RORA: variants seen among roughly 807,000 people sequenced by gnomAD.
RORA encodes nuclear receptor ROR-alpha.
RORA carries 7 observed loss-of-function variants against 69.5 expected under a neutral mutation model. That is an observed-to-expected ratio of 0.10 (90% CI 0.06 to 0.19). The LOEUF is 0.19. Ranked by LOEUF, RORA falls within the 10% of genes least tolerant of loss-of-function variation. The pLI, the probability that RORA is intolerant of heterozygous loss-of-function variation, is 1.00. For missense variants in RORA, 457 were observed against 663.0 expected (o/e 0.69, Z 3.41); for synonymous variants, 261 against 240.8 (o/e 1.08, Z -0.78).
chr15:61,022,800 G>A (rs1895601618), intron 1 of RORA, among the ~76,000 whole-genome samples: 1 of 152,116 alleles, frequency 6.6e-6, no homozygotes, highest in African/African-American at 2.4e-5. Context: ...AAAATGGTAG[G>A]TTGAACATAA....
chr15:61,051,437 T>C (rs775734438), intron 1 of RORA, among the ~76,000 whole-genome samples: 7 of 152,096 alleles, frequency 4.6e-5, no homozygotes, highest in Non-Finnish European at 8.8e-5. Flanking sequence ...GCAGGATGAA[T>C]GGTGGTGTGC....
Position 61,213,098 on chromosome 15 carries a change from T to C in RORA, c.166+15955A>G, listed in dbSNP as rs368826076. On this transcript the variant is annotated intron_variant, in intron 1 of 10. Coordinates refer to ENST00000335670, the MANE Select transcript of RORA (RefSeq NM_134261.3). This position sits in a 1 kb window ranked among gnomAD's most constrained non-coding sequence, Gnocchi z 4.1. Reference sequence around the variant, plus strand: ...AACTTCCAACTCAGCCCATCCCAAATTGAACCCATGCCTTCTCTCCTCTTC... The same window carrying C: ...AACTTCCAACTCAGCCCATCCCAAACTGAACCCATGCCTTCTCTCCTCTTC... Among the ~76,000 whole-genome samples, 13 of 152,100 alleles carry C rather than the reference T, an allele frequency of 8.5e-5. No individual in the cohort carries two copies. Among genetic ancestry groups the C allele is most frequent in the African/African-American group, 2.2e-4 (9 of 41,422 alleles).
chr15:60,505,557 A>T lies in RORA; in HGVS notation c.893T>A (p.Ile298Lys). Reference protein sequence around the residue: ...CQYLREELQQITWQTFLQEEI... With the variant: ...CQYLREELQQKTWQTFLQEEI... ...TTCCTGTAAAAAGGTCTGCCACGTT[A>T]TCTGCTGGAGCTCTTCTCTCAAGTA... Residue 298 changes from isoleucine to lysine, a missense_variant, in exon 6 of 11, where the codon ATA (isoleucine) becomes AAA (lysine). Around this residue, in one of 3 missense-constraint regions of RORA, gnomAD observed 304 missense variants for 447.4 expected, o/e 0.68. Transcript: ENST00000335670. 1 of 1,613,932 alleles carries T rather than the reference A, an allele frequency of 6.2e-7. No individual in the cohort carries two copies. The highest frequency in any genetic ancestry group is 8.5e-7 in the Non-Finnish European group (1 of 1,179,854).
chr15:60,593,705 T>A (rs946577571), intron 2 of RORA, among the ~76,000 whole-genome samples: 3 of 152,180 alleles, frequency 2.0e-5, no homozygotes, highest in African/African-American at 7.2e-5. Flanking sequence ...CCTATTGCGG[T>A]TCCTTCACGA....
chr15:60,657,964 T>G (rs1053053493), intron 2 of RORA, among the ~76,000 whole-genome samples: 1 of 152,334 alleles, frequency 6.6e-6, no homozygotes, highest in African/African-American at 2.4e-5. Flanking sequence ...TCTTGGCCTC[T>G]CCATCCAAAA....
chr15:60,890,936 A>C (rs1206701391), intron 1 of RORA, among the ~76,000 whole-genome samples: 1 of 152,230 alleles, frequency 6.6e-6, no homozygotes, highest in South Asian at 2.1e-4. Flanking sequence ...AAGCTTTCAA[A>C]GGGAATTAAG....
At chr15:60,680,603 C>A (rs1344892700) in intron 1 of RORA, among the ~76,000 whole-genome samples, 1 of 151,714 alleles carries the variant, frequency 6.6e-6, no homozygotes, top group Non-Finnish European at 1.5e-5. Context: ...TCTCTCGGTC[C>A]CTCAGTTTTG....
chr15:61,207,233 A>G (rs1034101337), intron 1 of RORA, among the ~76,000 whole-genome samples: 2 of 152,188 alleles, frequency 1.3e-5, no homozygotes, highest in African/African-American at 2.4e-5. Flanking sequence ...AAACATATTT[A>G]CCACACATGT....
At chr15:60,779,119 A>G (rs112906415) in intron 1 of RORA, among the ~76,000 whole-genome samples, 220 of 152,308 alleles carry the variant, frequency 1.4e-3, no homozygotes, top group African/African-American at 5.0e-3. Context: ...TTTCAAGCCT[A>G]AATTGGACTT....
rs573302477 is a variant in RORA, at chr15:60,733,872, G to A, written c.167-55186C>T. ...GGAAGTTGAGTTGCCCAACTTATGT[G>A]TATCCAACTATCTGCACACAGGTGA... On this transcript the variant is annotated intron_variant, in intron 1 of 10. Coordinates refer to ENST00000335670, the MANE Select transcript of RORA (RefSeq NM_134261.3). Among the ~76,000 whole-genome samples the A allele has an allele frequency of 1.5e-4, 22 of 143,740 alleles. 1 individual carries two copies. The South Asian group carries it at 5.0e-3, about 32-fold the overall frequency. 94.3% of individuals were successfully genotyped at this position (143,740 alleles called of 152,430 possible).
intron 1 of RORA, among the ~76,000 whole-genome samples, chr15:61,192,117 A>G (rs576112016): frequency 1.3e-5 from 2 of 152,360 alleles, no homozygotes; most frequent in East Asian, 1.9e-4. Context: ...ACACGGTGCT[A>G]TTTAAGTAAG....
Position 61,102,828 on chromosome 15 carries a change from A to G in RORA, c.166+126225T>C, listed in dbSNP as rs76891375. On this transcript the variant is annotated intron_variant, in intron 1 of 10. Coordinates refer to ENST00000335670, the MANE Select transcript of RORA (RefSeq NM_134261.3). ...TTCCCTACATGACAGCGTGTTACACATTCAGATTCCTCCCAGTTAATAGAC... is the reference window on the plus strand; with the variant it reads ...TTCCCTACATGACAGCGTGTTACACGTTCAGATTCCTCCCAGTTAATAGAC... Among the ~76,000 whole-genome samples, 286 of 152,304 alleles carry G rather than the reference A, an allele frequency of 1.9e-3. 7 individuals carry two copies. In the East Asian group the frequency reaches 0.052, roughly 28 times the overall value.
In RORA at chr15:60,888,698, TCTC is replaced by T. The variant is rs1177156265; in HGVS notation, c.167-210015_167-210013del. On this transcript the variant is annotated intron_variant, in intron 1 of 10. Coordinates refer to ENST00000335670, the MANE Select transcript of RORA (RefSeq NM_134261.3). ...CTCTTTCAGCCCTGCTGTTTCTGGCTCTCCTCAAGATTCTCTTTCCCTTTAAGA... is the reference window on the plus strand; with the variant it reads ...CTCTTTCAGCCCTGCTGTTTCTGGCTCTCAAGATTCTCTTTCCCTTTAAGA... Among the ~76,000 whole-genome samples the T allele has an allele frequency of 3.2e-4, 48 of 152,282 alleles. 1 individual carries two copies. In the Middle Eastern group the frequency reaches 0.01, roughly 33 times the overall value.
chr15:61,139,611 C>T (rs776748193), intron 1 of RORA, among the ~76,000 whole-genome samples: 37 of 152,182 alleles, frequency 2.4e-4, no homozygotes, highest in Admixed American at 1.3e-4. Flanking sequence ...GGACTTCGTT[C>T]TCACTGTGGG....
intron 1 of RORA, among the ~76,000 whole-genome samples, chr15:61,228,249 C>T (rs1303458641): frequency 6.6e-6 from 1 of 152,210 alleles, no homozygotes; most frequent in Non-Finnish European, 1.5e-5. Flanking sequence ...GCGCGTGGAG[C>T]GCCCCACAGG....
At position 60,785,396 on chromosome 15, in the gene RORA, G is replaced by C. The variant is rs2072320583; in HGVS notation, c.167-106710C>G. Among the ~76,000 whole-genome samples the C allele has an allele frequency of 3.9e-5, 6 of 152,172 alleles. No individual in the cohort carries two copies. In the South Asian group the frequency reaches 1.2e-3, roughly 32 times the overall value. The stretch of plus-strand genomic sequence containing the variant: ...CCAGTGATAAACATTTTAAATAAAT[G>C]AATAGGTAAACAGAGAAGGGATCTC... On this transcript the variant is annotated intron_variant, in intron 1 of 10. Coordinates refer to ENST00000335670, the MANE Select transcript of RORA (RefSeq NM_134261.3).
intron 2 of RORA, among the ~76,000 whole-genome samples, chr15:60,618,207 A>T (rs1268724027): frequency 6.6e-6 from 1 of 152,222 alleles, no homozygotes; most frequent in Non-Finnish European, 1.5e-5. Flanking sequence ...GACTCTAAGA[A>T]TCTGACAGTA....
At chr15:60,649,198 G>T (rs2070103767) in intron 2 of RORA, among the ~76,000 whole-genome samples, 1 of 151,656 alleles carries the variant, frequency 6.6e-6, no homozygotes, top group Non-Finnish European at 1.5e-5. Context: ...TGTAGCAGGT[G>T]AAGGACTTAA....
At chr15:60,573,585 G>GT (rs1490710908) in intron 2 of RORA, among the ~76,000 whole-genome samples, 2 of 152,318 alleles carry the variant, frequency 1.3e-5, no homozygotes, top group Non-Finnish European at 2.9e-5. Flanking sequence ...TAGAATGAGG[G>GT]TGAGAGCCTG....
Sources: gnomAD v4.1 joint callset for allele counts (sites outside exome capture counted in the v4.1 genomes callset) on GRCh38, gnomAD v4.1.1 for gene constraint, gnomAD v4.1.1 regional missense constraint, Gnocchi (gnomAD v3.1) non-coding constraint, MANE v1.5 for transcripts, NCBI Gene and HGNC (gene_info 2026-07-23, HGNC 2026-07-21) for gene names.